The following FIGN variants were observed in gnomAD, a reference collection of about 807,000 sequenced individuals.
The protein encoded by FIGN is fidgetin, microtubule severing factor, also known as fidgetin.
Under a neutral mutation model 51.3 loss-of-function variants are expected in FIGN, and 11 were observed. That is an observed-to-expected ratio of 0.21 (90% confidence interval 0.13 to 0.35). The LOEUF is 0.35. FIGN is among the 10% of genes least tolerant of loss of function. FIGN has a pLI of 1.00. For synonymous variants in FIGN, 407 were observed against 363.2 expected, an observed-to-expected ratio of 1.12 and a Z score of -1.37; for missense variants, 857 against 943.6, an observed-to-expected ratio of 0.91 and a Z score of 1.20.
At chr2:163,662,145 C>A (rs1465602490) in intron 2 of FIGN, among the ~76,000 whole-genome samples, 1 of 152,114 alleles carries the variant, frequency 6.6e-6, no homozygotes, top group Middle Eastern at 3.2e-3. Context: ...TCAATATTGA[C>A]AATAAGGTCC....
chr2:163,718,060 G>C (rs1464510084), intron 2 of FIGN, among the ~76,000 whole-genome samples: 2 of 152,084 alleles, frequency 1.3e-5, no homozygotes, highest in Non-Finnish European at 2.9e-5. Flanking sequence ...AAGTACAGGG[G>C]GGAGGGGGGA....
chr2:163,647,773 T>G (rs1248886244), intron 2 of FIGN, among the ~76,000 whole-genome samples: 3 of 152,202 alleles, frequency 2.0e-5, no homozygotes, highest in Non-Finnish European at 4.4e-5. Flanking sequence ...CGCTGTCAGC[T>G]CTCTGCGAGG....
At chr2:163,727,820 A>C (rs1291363037) in intron 2 of FIGN, among the ~76,000 whole-genome samples, 1 of 152,192 alleles carries the variant, frequency 6.6e-6, no homozygotes, top group Admixed American at 6.5e-5. Context: ...GATTTGAAAA[A>C]GCCACTTGAC....
intron 2 of FIGN, among the ~76,000 whole-genome samples, chr2:163,652,782 T>C (rs1683498637): frequency 6.6e-6 from 1 of 152,138 alleles, no homozygotes; most frequent in Non-Finnish European, 1.5e-5. Flanking sequence ...TTTTCCCTGG[T>C]TTCCGTCCAA....
intron 2 of FIGN, among the ~76,000 whole-genome samples, chr2:163,700,047 G>C (rs1000811276): frequency 6.6e-6 from 1 of 152,040 alleles, no homozygotes; most frequent in Admixed American, 6.6e-5. Flanking sequence ...AGGAAAGAAG[G>C]AGGAGGAGAA....
chr2:163,702,878 A>G (rs902156428), intron 2 of FIGN, among the ~76,000 whole-genome samples: 3 of 152,136 alleles, frequency 2.0e-5, no homozygotes, highest in African/African-American at 4.8e-5. Context: ...TAAAAAGAGT[A>G]CCAATTATCC....
At chr2:163,675,359 C>T (rs1036560829) in intron 2 of FIGN, among the ~76,000 whole-genome samples, 3 of 152,176 alleles carry the variant, frequency 2.0e-5, no homozygotes, top group African/African-American at 7.2e-5. Flanking sequence ...AAAACTGTGG[C>T]CCTAACTACT....
chr2:163,711,384 C>T (rs1404931317), intron 2 of FIGN, among the ~76,000 whole-genome samples: 1 of 152,032 alleles, frequency 6.6e-6, no homozygotes, highest in Non-Finnish European at 1.5e-5. Flanking sequence ...GTGATTAATA[C>T]CTCCCTACGT....
At chr2:163,639,025 T>G (rs1415826207) in intron 2 of FIGN, among the ~76,000 whole-genome samples, 1 of 152,156 alleles carries the variant, frequency 6.6e-6, no homozygotes, top group South Asian at 2.1e-4. Context: ...TTTTATGGAT[T>G]CTCACTTAAA....
intron 2 of FIGN, among the ~76,000 whole-genome samples, chr2:163,660,974 C>G (rs763356974): frequency 1.4e-4 from 19 of 137,358 alleles, no homozygotes; most frequent in African/African-American, 5.3e-4. Flanking sequence ...AACTCCTCCT[C>G]CCAGGTTCAA....
chr2:163,646,006 G>A (rs983695488), intron 2 of FIGN, among the ~76,000 whole-genome samples: 4 of 152,092 alleles, frequency 2.6e-5, no homozygotes, highest in African/African-American at 4.8e-5. Flanking sequence ...AAATTCCACT[G>A]CAAATTTAGG....
At chr2:163,688,453 C>A (rs1007266377) in intron 2 of FIGN, among the ~76,000 whole-genome samples, 2 of 152,066 alleles carry the variant, frequency 1.3e-5, no homozygotes, top group African/African-American at 4.8e-5. Context: ...ATAAAATGAT[C>A]CTTAATATTG....
chr2:163,666,993 T>C (rs1350910847), intron 2 of FIGN, among the ~76,000 whole-genome samples: 1 of 152,044 alleles, frequency 6.6e-6, no homozygotes, highest in Non-Finnish European at 1.5e-5. Flanking sequence ...GTACAAAATA[T>C]AATCAATGTA....
intron 2 of FIGN, among the ~76,000 whole-genome samples, chr2:163,667,112 G>A (rs1683792224): frequency 6.6e-6 from 1 of 151,802 alleles, no homozygotes; most frequent in South Asian, 2.1e-4. Flanking sequence ...GAAATAGAAG[G>A]CCTGTTATCA....
intron 2 of FIGN, among the ~76,000 whole-genome samples, chr2:163,612,798 A>C (rs1463690903): frequency 1.3e-5 from 2 of 150,664 alleles, no homozygotes; most frequent in East Asian, 3.9e-4. Flanking sequence ...AGAGAGAGAG[A>C]GAGAGAAAGG....
At chr2:163,700,553 T>C (rs190347767) in intron 2 of FIGN, among the ~76,000 whole-genome samples, 63 of 152,208 alleles carry the variant, frequency 4.1e-4, no homozygotes, top group African/African-American at 1.5e-3. Flanking sequence ...ATTCAGAGGC[T>C]AGGTTGCAGC....
At chr2:163,682,875 A>T (rs1366695874) in intron 2 of FIGN, among the ~76,000 whole-genome samples, 2 of 152,202 alleles carry the variant, frequency 1.3e-5, no homozygotes, top group Non-Finnish European at 2.9e-5. Context: ...TTTTAGCTAT[A>T]TGACTTTGGA....
chr2:163,733,115 A>C (rs1413641805), intron 2 of FIGN, among the ~76,000 whole-genome samples: 6 of 152,096 alleles, frequency 3.9e-5, no homozygotes, highest in Non-Finnish European at 7.3e-5. Flanking sequence ...GTAAACTTTC[A>C]CCCCTAGAAT....
intron 2 of FIGN, among the ~76,000 whole-genome samples, chr2:163,636,644 T>C (rs972212482): frequency 6.6e-6 from 1 of 152,174 alleles, no homozygotes; most frequent in African/African-American, 2.4e-5. Flanking sequence ...AGCTTGCTTT[T>C]GGTAAGTATT....
Sources: allele counts gnomAD v4.1 joint callset (sites outside exome capture counted in the v4.1 genomes callset), GRCh38; gene constraint gnomAD v4.1.1; transcripts MANE v1.5; gene names NCBI Gene and HGNC (gene_info 2026-07-23, HGNC 2026-07-21).